PCLO: variants seen among roughly 807,000 people sequenced by gnomAD.
PCLO encodes protein piccolo.
PCLO carries 82 observed loss-of-function variants against 427.5 expected under a neutral mutation model. The ratio of observed to expected loss-of-function variants is 0.19; its 90% CI spans 0.16 to 0.23. PCLO has a LOEUF of 0.23. Ranked by LOEUF, PCLO falls within the 10% of genes least tolerant of loss-of-function variation. PCLO has a pLI of 1.00. For missense variants in PCLO, 6,239 were observed against 6,115.9 expected (o/e 1.02, Z -0.67); for synonymous variants, 2,357 against 2,155.4 (o/e 1.09, Z -2.59).
intron 3 of PCLO, among the ~76,000 whole-genome samples, chr7:83,000,268 TGAGA>T (rs145445022): frequency 0.033 from 1,796 of 54,004 alleles, 22 homozygotes; most frequent in South Asian, 0.07. Context: ...TTCAAAGTGT[TGAGA>T]GAGAGAGAGA....
chr7:82,838,886 C>T (rs574271174), intron 14 of PCLO, among the ~76,000 whole-genome samples: 1 of 151,922 alleles, frequency 6.6e-6, no homozygotes, highest in South Asian at 2.1e-4. Flanking sequence ...CCTATAGATA[C>T]CTTTCGGTAC....
intron 7 of PCLO, among the ~76,000 whole-genome samples, chr7:82,911,392 C>T (rs1184134579): frequency 6.6e-6 from 1 of 150,842 alleles, no homozygotes; most frequent in African/African-American, 2.4e-5. Flanking sequence ...AATTTTATAA[C>T]AAAAAAAATT....
chr7:82,927,362 T>C (rs1794736295), intron 6 of PCLO, among the ~76,000 whole-genome samples: 1 of 152,228 alleles, frequency 6.6e-6, no homozygotes, highest in African/African-American at 2.4e-5. Flanking sequence ...ATTATCATTC[T>C]ATGTGTAAAT....
intron 20 of PCLO, 101 bp from the exon 21 acceptor site, chr7:82,805,930 A>G: frequency 8.7e-7 from 1 of 1,151,114 alleles, no homozygotes. Context: ...ATGTGACAAG[A>G]AACAGCTACT....
In PCLO at chr7:83,008,697, G is replaced by T. The variant is rs150495355; in HGVS notation, c.3301-42210C>A. On this transcript the variant is annotated intron_variant, in intron 3 of 24. Transcript: ENST00000333891. ...GGGTTAGGTAGGAAAGACTAAAAAT[G>T]TATAATAGGTTGACTCAGATAGTAC... 2.2e-4 allele frequency among the ~76,000 whole-genome samples: 33 copies of T among 151,806 alleles called. No homozygotes were observed. In the East Asian group the frequency reaches 6.4e-3, roughly 29 times the overall value.
chr7:83,050,137 G>A (rs568323168), intron 3 of PCLO, among the ~76,000 whole-genome samples: 1 of 134,658 alleles, frequency 7.4e-6, no homozygotes, highest in African/African-American at 2.8e-5. Context: ...AGGCAATCTG[G>A]GTCGGAAAGC....
intron 10 of PCLO, among the ~76,000 whole-genome samples, chr7:82,866,732 A>G (rs920419332): frequency 6.6e-6 from 1 of 151,988 alleles, no homozygotes; most frequent in East Asian, 1.9e-4. Context: ...ACTGAAGTAA[A>G]AACCTGCATT....
At chr7:83,059,345 A>C (rs1789481925) in intron 3 of PCLO, among the ~76,000 whole-genome samples, 1 of 114,358 alleles carries the variant, frequency 8.7e-6, no homozygotes, top group Admixed American at 1.1e-4. Flanking sequence ...TATTTTATAT[A>C]TACACCTTTA....
At position 82,868,007 on chromosome 7, in the gene PCLO, A is replaced by G. The variant is rs1454001059; in HGVS notation, c.13654+11330T>C. 17 of 375,384 alleles carry G rather than the reference A, an allele frequency of 4.5e-5. No individual in the cohort carries two copies. The Admixed American group carries it at 6.2e-4, about 14-fold the overall frequency. 23.3% of individuals were successfully genotyped at this position (375,384 alleles called of 1,614,324 possible). A position where few individuals can be genotyped will look rare whatever the true frequency, so the allele number is the denominator to read the frequency against. ...GAGAGTTTCCTAAATATATATTAGA[A>G]AATCTTCATATCAACATGATATGTG... On this transcript the variant is annotated intron_variant, in intron 10 of 24. Coordinates refer to ENST00000333891, the MANE Select transcript of PCLO (RefSeq NM_033026.6).
chr7:83,070,450 T>C lies in PCLO; in HGVS notation c.3300+63800A>G, dbSNP rs375821709. 2.5e-3 allele frequency among the ~76,000 whole-genome samples: 375 copies of C among 150,554 alleles called. 1 individual carries two copies. Among genetic ancestry groups the C allele is most frequent in the African/African-American group, 8.7e-3 (356 of 40,874 alleles). On this transcript the variant is annotated intron_variant, in intron 3 of 24. Transcript: ENST00000333891. ...TCACCCAGGCTAGAGTGCAGTGGCG[T>C]GATCTCAGCTCAGTGCAAGCTCTGC...
chr7:82,978,740 G>A (rs1248414035), intron 3 of PCLO, among the ~76,000 whole-genome samples: 2 of 151,908 alleles, frequency 1.3e-5, no homozygotes. Context: ...GAAGTCACCA[G>A]GGAAACCTTA....
chr7:83,096,902 T>TTA (rs1554396378), intron 3 of PCLO, among the ~76,000 whole-genome samples: 1 of 53,692 alleles, frequency 1.9e-5, no homozygotes, highest in African/African-American at 1.0e-4. Context: ...TATATTAATA[T>TTA]TATATTATCT....
At chr7:82,944,750 A>C (rs1253540776) in intron 6 of PCLO, among the ~76,000 whole-genome samples, 1 of 152,164 alleles carries the variant, frequency 6.6e-6, no homozygotes, top group African/African-American at 2.4e-5. Context: ...CTTTTTACTG[A>C]AGAAACACAG....
At position 82,916,667 on chromosome 7, in the gene PCLO, C is replaced by T; in HGVS notation, c.11319G>A (p.Val3773=). The change falls in exon 7 of 25, where the codon GTG becomes GTA. Residue 3773 remains valine, a synonymous_variant. Transcript: ENST00000333891. ...TTCGAAGTTTTGCAGACTCCCTTTC[C>T]ACAAGATCAAGCTCTCTGTCTATGT... ...LQDIDRELDL[V]ERESAKLRKK... The T allele has an allele frequency of 1.2e-6, 2 of 1,613,624 alleles. No individual in the cohort carries two copies. The highest frequency in any genetic ancestry group is 3.3e-5 in the Admixed American group (2 of 59,936).
At chr7:83,070,209 A>C (rs73163020) in intron 3 of PCLO, among the ~76,000 whole-genome samples, 3,052 of 152,208 alleles carry the variant, frequency 0.02, 46 homozygotes, top group Non-Finnish European at 0.032. Context: ...GCCAACAGTA[A>C]TGTCAGTGAG....
intron 3 of PCLO, among the ~76,000 whole-genome samples, chr7:83,058,672 C>T (rs1789463534): frequency 6.6e-6 from 1 of 151,950 alleles, no homozygotes; most frequent in African/African-American, 2.4e-5. Flanking sequence ...CTATTATTTC[C>T]CATTTTTTAG....
At chr7:83,065,262 A>G (rs1284937042) in intron 3 of PCLO, among the ~76,000 whole-genome samples, 3 of 151,920 alleles carry the variant, frequency 2.0e-5, no homozygotes, top group African/African-American at 7.2e-5. Flanking sequence ...CTTAATTTCT[A>G]TAAGGCTTTT....
At chr7:82,882,152 T>C (rs1793523736) in intron 9 of PCLO, among the ~76,000 whole-genome samples, 2 of 152,198 alleles carry the variant, frequency 1.3e-5, no homozygotes, top group Admixed American at 1.3e-4. Flanking sequence ...TGATTTCACA[T>C]TTCTATAGTT....
At chr7:83,120,402 GAAAAAA>G (rs35143407) in intron 3 of PCLO, among the ~76,000 whole-genome samples, 2 of 80,792 alleles carry the variant, frequency 2.5e-5, no homozygotes, top group Non-Finnish European at 4.8e-5. Context: ...CTCTGCCTCA[GAAAAAA>G]AAAAAAAAAA....
Sources: gnomAD v4.1 joint callset for allele counts (sites outside exome capture counted in the v4.1 genomes callset) on GRCh38, gnomAD v4.1.1 for gene constraint, MANE v1.5 for transcripts, NCBI Gene and HGNC (gene_info 2026-07-23, HGNC 2026-07-21) for gene names.